MAP4K4: variants seen among roughly 807,000 people sequenced by gnomAD.
MAP4K4 encodes HPK/GCK-like kinase HGK.
A neutral mutation model predicts 189.6 loss-of-function variants in MAP4K4; 38 were observed. The ratio of observed to expected loss-of-function variants is 0.20; its 90% CI spans 0.15 to 0.26. The LOEUF is 0.26. Among genes scored for constraint, MAP4K4 ranks in the 10% least tolerant of loss-of-function variants. The probability of loss-of-function intolerance (pLI) is 1.00; values close to 1 mark genes in which losing one functional copy is unlikely to be tolerated. For synonymous variants in MAP4K4, 610 were observed against 624.3 expected (o/e 0.98, Z 0.34); for missense variants, 1,054 against 1,726.9 (o/e 0.61, Z 6.91).
chr2:101,830,649 C>A (rs780432046), intron 6 of MAP4K4, among the ~76,000 whole-genome samples: 16 of 152,158 alleles, frequency 1.1e-4, no homozygotes, highest in Non-Finnish European at 1.9e-4. Flanking sequence ...TGGAAACTCC[C>A]CTCAGAGCTA....
At chr2:101,888,008 T>G in intron 31 of MAP4K4, 71 bp downstream of exon 31, 1 of 1,399,664 alleles carries the variant, frequency 7.1e-7, no homozygotes, top group Admixed American at 2.1e-5. Flanking sequence ...TTATTTATCA[T>G]GCTGATTTTG....
At chr2:101,793,568 G>T (rs1042618723) in intron 3 of MAP4K4, among the ~76,000 whole-genome samples, 31 of 127,550 alleles carry the variant, frequency 2.4e-4, no homozygotes, top group African/African-American at 8.5e-4. Flanking sequence ...ACTCTTCATG[G>T]TTTTTTTTTT....
At chr2:101,813,637 A>G (rs2095558990) in intron 3 of MAP4K4, among the ~76,000 whole-genome samples, 2 of 152,146 alleles carry the variant, frequency 1.3e-5, no homozygotes, top group Non-Finnish European at 2.9e-5. Context: ...TAGGACATAC[A>G]TTGCTGATTG....
chr2:101,796,679 T>A (rs2093731374), intron 3 of MAP4K4, among the ~76,000 whole-genome samples: 1 of 152,214 alleles, frequency 6.6e-6, no homozygotes, highest in Non-Finnish European at 1.5e-5. Flanking sequence ...CAGAGCAGAC[T>A]TTCTTTTAGT....
chr2:101,755,825 T>C (rs2072235790), intron 2 of MAP4K4, among the ~76,000 whole-genome samples: 1 of 152,150 alleles, frequency 6.6e-6, no homozygotes, highest in African/African-American at 2.4e-5. Context: ...CTGCCTGTCT[T>C]TTCTTTCACT....
chr2:101,888,276 G>A (rs193021414), intron 31 of MAP4K4, among the ~76,000 whole-genome samples: 145 of 152,240 alleles, frequency 9.5e-4, no homozygotes, highest in African/African-American at 3.4e-3. Context: ...AATTGGTAAC[G>A]AATTGGTAAA....
intron 2 of MAP4K4, among the ~76,000 whole-genome samples, chr2:101,732,866 C>T (rs187891969): frequency 9.2e-5 from 14 of 152,376 alleles, no homozygotes; most frequent in Admixed American, 7.8e-4. Flanking sequence ...GGATTACAGG[C>T]GTGAGCCACC....
chr2:101,737,199 G>A (rs528028748), intron 2 of MAP4K4, among the ~76,000 whole-genome samples: 1 of 151,944 alleles, frequency 6.6e-6, no homozygotes, highest in South Asian at 2.1e-4. Context: ...TACTTCTGTT[G>A]GTCAGAGATG....
chr2:101,773,696 C>T (rs1198830823), intron 2 of MAP4K4, among the ~76,000 whole-genome samples: 1 of 152,136 alleles, frequency 6.6e-6, no homozygotes, highest in African/African-American at 2.4e-5. Context: ...TTTATTCTTT[C>T]TAACTATCTT....
chr2:101,709,976 C>T (rs190278679), intron 2 of MAP4K4, among the ~76,000 whole-genome samples: 2 of 152,236 alleles, frequency 1.3e-5, no homozygotes, highest in African/African-American at 4.8e-5. Context: ...GCAGAGCTTT[C>T]GTTCTTACTT....
chr2:101,757,473 C>T (rs1322064380), intron 2 of MAP4K4, among the ~76,000 whole-genome samples: 1 of 152,108 alleles, frequency 6.6e-6, no homozygotes, highest in Non-Finnish European at 1.5e-5. Flanking sequence ...GACCTGAACC[C>T]AGATCACATT....
chr2:101,864,383 T>G (rs890796648), intron 17 of MAP4K4, among the ~76,000 whole-genome samples: 1 of 152,264 alleles, frequency 6.6e-6, no homozygotes, highest in African/African-American at 2.4e-5. Context: ...TTTTGCAATA[T>G]TAATGTCAAA....
intron 2 of MAP4K4, among the ~76,000 whole-genome samples, chr2:101,741,070 G>A (rs999395965): frequency 1.3e-5 from 2 of 151,926 alleles, no homozygotes; most frequent in Non-Finnish European, 2.9e-5. Context: ...ATTCAACTTT[G>A]ATGCTTGAGG....
intron 28 of MAP4K4, 97 bp from the exon 29 acceptor site, chr2:101,885,090 A>G (rs902033541): frequency 3.8e-6 from 2 of 532,342 alleles, no homozygotes; most frequent in Non-Finnish European, 6.7e-6. Context: ...AATAGAAGGC[A>G]TATTTATAAA....
intron 2 of MAP4K4, among the ~76,000 whole-genome samples, chr2:101,736,161 C>G (rs1241517916): frequency 1.3e-5 from 2 of 152,260 alleles, no homozygotes; most frequent in Non-Finnish European, 2.9e-5. Context: ...TCCATCCTAA[C>G]TGGCCCCTAC....
At chr2:101,853,642 T>C (rs1052806141) in intron 12 of MAP4K4, among the ~76,000 whole-genome samples, 4 of 152,182 alleles carry the variant, frequency 2.6e-5, no homozygotes, top group Non-Finnish European at 5.9e-5. Flanking sequence ...GTTTCTGGAT[T>C]GAAAGCCTCG....
In MAP4K4 at chr2:101,858,517, G is replaced by A. The variant is rs373653954; in HGVS notation, c.1396-479G>A. On this transcript the variant is annotated intron_variant, in intron 13 of 32. Transcript: ENST00000324219. Reference sequence around the variant, plus strand: ...GGTGCCTTTGGAATTGTTAGTGAAAGCATGAATCATGTTTGTTGTATTTTA... The same window carrying A: ...GGTGCCTTTGGAATTGTTAGTGAAAACATGAATCATGTTTGTTGTATTTTA... 1.2e-4 allele frequency among the ~76,000 whole-genome samples: 19 copies of A among 152,172 alleles called. No individual in the cohort carries two copies. The East Asian group carries it at 2.3e-3, about 19-fold the overall frequency.
intron 2 of MAP4K4, among the ~76,000 whole-genome samples, chr2:101,749,380 G>A (rs1436607172): frequency 3.3e-5 from 5 of 151,558 alleles, no homozygotes; most frequent in Non-Finnish European, 4.4e-5. Context: ...TCTGATCTTT[G>A]ACAAACCTGA....
At chr2:101,824,942 A>G (rs556723109) in intron 4 of MAP4K4, among the ~76,000 whole-genome samples, 1 of 152,328 alleles carries the variant, frequency 6.6e-6, no homozygotes, top group South Asian at 2.1e-4. Context: ...TGTGAAAAGT[A>G]GAATGTTTTT....
Sources: allele counts gnomAD v4.1 joint callset (sites outside exome capture counted in the v4.1 genomes callset), GRCh38; gene constraint gnomAD v4.1.1; transcripts MANE v1.5; gene names NCBI Gene and HGNC (gene_info 2026-07-23, HGNC 2026-07-21).